The following CLDN16 variants were observed in gnomAD, a reference collection of about 807,000 sequenced individuals.
The protein encoded by CLDN16 is claudin-16.
Under a neutral mutation model 24.6 loss-of-function variants are expected in CLDN16, and 13 were observed. The ratio of observed to expected loss-of-function variants is 0.53; its 90% confidence interval spans 0.34 to 0.84. CLDN16 has a LOEUF of 0.84. Ranked by LOEUF, CLDN16 falls within the 40% of genes least tolerant of loss-of-function variation. The pLI is 0.01. For synonymous variants in CLDN16, 116 were observed against 106.7 expected (o/e 1.09, Z -0.54); for missense variants, 298 against 292.7 (o/e 1.02, Z -0.13).
At position 190,388,436 on chromosome 3, in the gene CLDN16, C is replaced by G; in HGVS notation, c.107C>G (p.Ser36Cys). Residue 36 changes from serine to cysteine, a missense_variant, in exon 1 of 5, where the codon TCT (serine) becomes TGT (cysteine). Transcript: ENST00000264734. ...TGTTGGATGGTGAATGCTGATGACT[C>G]TCTGGAGGTAAGAAGATAGCAGCTT... ...TDCWMVNADD[S>C]LEVSTKCRGL... The G allele has an allele frequency of 6.2e-7, 1 of 1,613,946 alleles. No individual in the cohort carries two copies. Among genetic ancestry groups the G allele is most frequent in the Non-Finnish European group, 8.5e-7 (1 of 1,179,904 alleles).
rs1717083858 is a variant in CLDN16 at position 190,327,165 on chromosome 3, G to A, written n.121+4504G>A. ...TCGTAAAGTGTTCCAGCAGGCGGAA[G>A]ACTTGAATAAGAGTTGACTTCACAG... On this transcript the variant is annotated intron_variant and non_coding_transcript_variant, in intron 1 of 4. Transcript: ENST00000468220. 2.6e-5 allele frequency among the ~76,000 whole-genome samples: 4 copies of A among 152,214 alleles called. No homozygotes were observed. In the South Asian group the frequency reaches 8.3e-4, roughly 31 times the overall value.
At chr3:190,313,664 T>C in the CLDN16 span, among the ~76,000 whole-genome samples, 1 of 152,186 alleles carries the variant, frequency 6.6e-6, no homozygotes, top group East Asian at 1.9e-4. Context: ...CTTTGAGATG[T>C]TACCTTGGGA....
chr3:190,312,854 G>A, the CLDN16 span: 1 of 1,613,468 alleles, frequency 6.2e-7, no homozygotes. Flanking sequence ...GGTGAAAGGG[G>A]GGCACAGCCT....
upstream of CLDN16, among the ~76,000 whole-genome samples, chr3:190,386,311 T>C (rs1718496106): frequency 6.6e-6 from 1 of 151,980 alleles, no homozygotes; most frequent in Non-Finnish European, 1.5e-5. Context: ...ATAAGTAAAA[T>C]AAAAGCATCT....
intron 1 of CLDN16, 33 bp from the exon 2 acceptor site, chr3:190,402,304 A>C (rs775152656): frequency 2.6e-6 from 4 of 1,519,146 alleles, no homozygotes; most frequent in Admixed American, 3.3e-5. Flanking sequence ...GCCTGCATGA[A>C]TTGTTTCACA....
chr3:190,404,943 A>T lies in CLDN16; in HGVS notation c.382+17A>T, dbSNP rs757966379. 6.2e-7 allele frequency: 1 copy of T among 1,613,408 alleles called. No individual in the cohort carries two copies. Among genetic ancestry groups the T allele is most frequent in the East Asian group, 2.2e-5 (1 of 44,870 alleles). On this transcript the variant is annotated intron_variant, in intron 3 of 4. Coordinates refer to ENST00000264734, the MANE Select transcript of CLDN16 (RefSeq NM_006580.4). ...TAATAGCAGGTACCGGTCTGGCTGG[A>T]CTAGCAACAGGGGTAGGGAGACTCT...
At chr3:190,357,883 C>T (rs1717810687) in intron 1 of CLDN16, among the ~76,000 whole-genome samples, 1 of 151,936 alleles carries the variant, frequency 6.6e-6, no homozygotes, top group Non-Finnish European at 1.5e-5. Flanking sequence ...CCTTGTTACA[C>T]GTTAATTTAT....
chr3:190,409,579 G>A (rs1487922143), intron 4 of CLDN16, among the ~76,000 whole-genome samples: 1 of 151,824 alleles, frequency 6.6e-6, no homozygotes, highest in Admixed American at 6.6e-5. Flanking sequence ...AGTGGACTAA[G>A]ATCCAGCCAA....
At chr3:190,376,029 GT>G (rs1394718013) in intron 3 of CLDN16, among the ~76,000 whole-genome samples, 31 of 151,906 alleles carry the variant, frequency 2.0e-4, no homozygotes, top group African/African-American at 7.2e-4. Context: ...TGTACTTTTT[GT>G]TTGTTTTAGT....
chr3:190,408,327 C>A lies in CLDN16; in HGVS notation c.396C>A (p.Ile132=). Reference sequence around the variant, plus strand: ...CCTTTCTTTCAGGTACCCCAGGAATCATTGGCTCTGTGTGGTATGCTGTTG... The same window carrying A: ...CCTTTCTTTCAGGTACCCCAGGAATAATTGGCTCTGTGTGGTATGCTGTTG... ...ATLLIAGTPG[I]IGSVWYAVDV... is the part of the protein sequence containing the mutation. Residue 132 remains isoleucine, a synonymous_variant, in exon 4 of 5, where the codon ATC becomes ATA. Transcript: ENST00000264734. 6.2e-7 allele frequency: 1 copy of A among 1,614,040 alleles called. No individual in the cohort carries two copies. Among genetic ancestry groups the A allele is most frequent in the Admixed American group, 1.7e-5 (1 of 60,026 alleles).
chr3:190,410,146 A>C lies in CLDN16; in HGVS notation c.*110A>C. 8.2e-7 allele frequency: 1 copy of C among 1,224,028 alleles called. No homozygotes were observed. The highest frequency in any genetic ancestry group is 1.8e-5 in the Admixed American group (1 of 56,952). The allele number at this position is 1,224,028 out of a possible 1,614,324, so 75.8% of individuals were successfully genotyped here. A position where few individuals can be genotyped will look rare whatever the true frequency, so the allele number is the denominator to read the frequency against. On this transcript the variant is annotated 3_prime_UTR_variant, in exon 5 of 5. Coordinates refer to ENST00000264734, the MANE Select transcript of CLDN16 (RefSeq NM_006580.4). ...GTTATTTAGAATTCATATTGAATTA[A>C]ATTAATTGCTAGCTTAATCAAAATG...
At chr3:190,300,726 T>C in the CLDN16 span, among the ~76,000 whole-genome samples, 2 of 152,214 alleles carry the variant, frequency 1.3e-5, no homozygotes. Flanking sequence ...CCACAGGCAT[T>C]AGCCATCATG....
the CLDN16 span, among the ~76,000 whole-genome samples, chr3:190,303,429 C>G: frequency 1.3e-5 from 2 of 152,146 alleles, no homozygotes; most frequent in Non-Finnish European, 2.9e-5. Flanking sequence ...CAGGTCAGCT[C>G]AGTTAAGAGA....
intron 4 of CLDN16, among the ~76,000 whole-genome samples, chr3:190,409,417 G>T (rs1352532823): frequency 6.6e-6 from 1 of 151,210 alleles, no homozygotes; most frequent in East Asian, 1.9e-4. Flanking sequence ...ACATATAATT[G>T]TAATACATTA....
intron 3 of CLDN16, among the ~76,000 whole-genome samples, chr3:190,379,663 G>A (rs1325738266): frequency 2.0e-5 from 3 of 152,064 alleles, no homozygotes; most frequent in Admixed American, 2.0e-4. Flanking sequence ...TACAAGCACA[G>A]GCAAAAGAAA....
intron 2 of CLDN16, among the ~76,000 whole-genome samples, chr3:190,371,618 A>G (rs1056475710): frequency 2.6e-5 from 4 of 151,992 alleles, no homozygotes; most frequent in Non-Finnish European, 4.4e-5. Context: ...TTCCTTCAAA[A>G]AAAAGTCAGA....
chr3:190,334,667 G>A (rs889887743), intron 1 of CLDN16, among the ~76,000 whole-genome samples: 1 of 152,252 alleles, frequency 6.6e-6, no homozygotes, highest in African/African-American at 2.4e-5. Context: ...AATGGTAGAT[G>A]TTGTTGGTAA....
chr3:190,320,200 A>G (rs1716882119), upstream of CLDN16, among the ~76,000 whole-genome samples: 1 of 152,222 alleles, frequency 6.6e-6, no homozygotes, highest in African/African-American at 2.4e-5. Flanking sequence ...GAGTATTTAC[A>G]ACATAGATCA....
At chr3:190,393,967 C>T (rs766721270) in intron 1 of CLDN16, among the ~76,000 whole-genome samples, 2 of 151,656 alleles carry the variant, frequency 1.3e-5, no homozygotes, top group African/African-American at 4.8e-5. Flanking sequence ...TGGCCAGGCT[C>T]GTCTTGAACT....
Sources: gnomAD v4.1 joint callset for allele counts (sites outside exome capture counted in the v4.1 genomes callset) on GRCh38, gnomAD v4.1.1 for gene constraint, MANE v1.5 for transcripts, NCBI Gene and HGNC (gene_info 2026-07-23, HGNC 2026-07-21) for gene names.